The following HSPA4 variants were observed in gnomAD, a reference collection of about 807,000 sequenced individuals.
The protein encoded by HSPA4 is heat shock protein family A (Hsp70) member 4, also known as heat shock 70 kDa protein 4.
In HSPA4, 25 loss-of-function variants were observed where a neutral mutation model predicts 106.2. The observed-to-expected ratio is 0.24, with a 90% CI of 0.17 to 0.33. HSPA4 has a LOEUF of 0.33. HSPA4 is among the 10% of genes least tolerant of loss of function. HSPA4 has a pLI of 1.00. For synonymous variants in HSPA4, 332 were observed against 333.6 expected, an observed-to-expected ratio of 1.00 and a Z score of 0.05; for missense variants, 841 against 996.0, an observed-to-expected ratio of 0.84 and a Z score of 2.10.
intron 7 of HSPA4, among the ~76,000 whole-genome samples, chr5:133,079,508 A>G (rs567521184): frequency 1.3e-5 from 2 of 152,242 alleles, no homozygotes; most frequent in Middle Eastern, 3.4e-3. Context: ...TCTTGTATGG[A>G]TATACCATAT....
At chr5:133,053,438 C>T (rs931849867) in intron 1 of HSPA4, among the ~76,000 whole-genome samples, 1 of 149,002 alleles carries the variant, frequency 6.7e-6, no homozygotes. Flanking sequence ...ACCTCCCTGG[C>T]TCCTGGCTCA....
At position 133,086,837 on chromosome 5, in the gene HSPA4, C is replaced by G; in HGVS notation, c.964C>G (p.Arg322Gly). 6.2e-7 allele frequency: 1 copy of G among 1,612,926 alleles called. No homozygotes were observed. The highest frequency in any genetic ancestry group is 8.5e-7 in the Non-Finnish European group (1 of 1,179,044). The change falls in exon 8 of 19, where the codon CGT becomes GGT. Residue 322 changes from arginine (R) to glycine (G), a missense_variant. Physicochemically the swap from Arg to Gly is moderately radical, Grantham distance 125 (BLOSUM62 -2). Transcript: ENST00000304858. ...CTTAGCTAGAGTGGAGCCACCACTT[C>G]GTAGTGTTTTGGAACAAACCAGTAA... is the stretch of plus-strand genomic sequence containing the variant. ...DLLARVEPPL[R>G]SVLEQTKLKK...
At chr5:133,060,860 C>T (rs1411783675) in intron 1 of HSPA4, among the ~76,000 whole-genome samples, 1 of 141,180 alleles carries the variant, frequency 7.1e-6, no homozygotes, top group African/African-American at 2.7e-5. Flanking sequence ...CGCTCTGTCA[C>T]TCAGGGTGGA....
chr5:133,098,974 T>C (rs767266679), intron 15 of HSPA4, among the ~76,000 whole-genome samples: 3 of 151,784 alleles, frequency 2.0e-5, no homozygotes, highest in Non-Finnish European at 4.4e-5. Flanking sequence ...CAGATGCACT[T>C]GCTTTTACAT....
At chr5:133,066,206 AC>A (rs1383021189) in intron 2 of HSPA4, among the ~76,000 whole-genome samples, 1 of 152,178 alleles carries the variant, frequency 6.6e-6, no homozygotes, top group Non-Finnish European at 1.5e-5. Flanking sequence ...TTATTGTGTT[AC>A]AGAGTTTCTG....
intron 7 of HSPA4, among the ~76,000 whole-genome samples, chr5:133,083,863 C>CA (rs768035914): frequency 6.6e-6 from 1 of 152,260 alleles, no homozygotes; most frequent in East Asian, 1.9e-4. Flanking sequence ...TAGCATATCT[C>CA]AAAGTAAATT....
At chr5:133,065,113 A>T in intron 2 of HSPA4, 76 bp downstream of exon 2, 1 of 1,208,338 alleles carries the variant, frequency 8.3e-7, no homozygotes, top group Non-Finnish European at 1.2e-6. Context: ...TTGAATGCCC[A>T]TTATGTGCCT....
At chr5:133,061,681 G>A (rs754956535) in intron 1 of HSPA4, among the ~76,000 whole-genome samples, 1 of 152,024 alleles carries the variant, frequency 6.6e-6, no homozygotes, top group African/African-American at 2.4e-5. Context: ...GTGCAGTGGC[G>A]TGATCTTGGC....
intron 14 of HSPA4, among the ~76,000 whole-genome samples, chr5:133,096,847 A>G (rs536843179): frequency 6.6e-6 from 1 of 152,350 alleles, no homozygotes; most frequent in African/African-American, 2.4e-5. Flanking sequence ...TCTCATATTA[A>G]TACAGCAGAG....
In HSPA4 at chr5:133,097,911, G is replaced by GA. The variant is rs1335019090; in HGVS notation, c.1929+625_1929+626insA. Among the ~76,000 whole-genome samples the GA allele has an allele frequency of 2.8e-5, 4 of 141,526 alleles. No individual in the cohort carries two copies. In the East Asian group the frequency reaches 6.3e-4, roughly 22 times the overall value. 92.8% of individuals were successfully genotyped at this position (141,526 alleles called of 152,430 possible). On this transcript the variant is annotated intron_variant, in intron 15 of 18. Transcript: ENST00000304858. ...TGTTTATTGTAACTCAGAATTTTTA[G>GA]TTTTTTTTTTTTTTTAATTTGAATA...
intron 1 of HSPA4, among the ~76,000 whole-genome samples, chr5:133,063,060 G>T (rs1474521257): frequency 6.6e-6 from 1 of 152,078 alleles, no homozygotes; most frequent in Non-Finnish European, 1.5e-5. Context: ...TGACTTCATT[G>T]CTTTCAGGTT....
At position 133,074,030 on chromosome 5, in the gene HSPA4, T is replaced by C. The variant is rs1175483043; in HGVS notation, c.567T>C (p.Pro189=). 4 of 1,604,348 alleles carry C rather than the reference T, an allele frequency of 2.5e-6. No homozygotes were observed. In the East Asian group the frequency reaches 6.7e-5, roughly 27 times the overall value. The change falls in exon 6 of 19, where the codon CCT becomes CCC. Residue 189 remains proline (P), a synonymous_variant. Coordinates refer to ENST00000304858, the MANE Select transcript of HSPA4 (RefSeq NM_002154.4). The part of the protein sequence containing the change: ...LAYGIYKQDL[P]ALEEKPRNVV... Reference sequence around the variant, plus strand: ...ATGGAATCTATAAGCAGGATCTTCCTGCCTTAGAAGAGAAACCAAGAAATG... The same window carrying C: ...ATGGAATCTATAAGCAGGATCTTCCCGCCTTAGAAGAGAAACCAAGAAATG...
chr5:133,052,026 C>T lies in HSPA4; in HGVS notation c.-225C>T. The stretch of plus-strand genomic sequence containing the variant: ...ACGAGATCTTTCGAGATCTTCTCCG[C>T]CCCCGCTACCGGCGCCTCCTCTGCG... On this transcript the variant is annotated 5_prime_UTR_variant, in exon 1 of 19. Coordinates refer to ENST00000304858, the MANE Select transcript of HSPA4 (RefSeq NM_002154.4). 3.7e-6 allele frequency: 2 copies of T among 542,900 alleles called. No individual in the cohort carries two copies. The highest frequency in any genetic ancestry group is 6.5e-6 in the Non-Finnish European group (2 of 306,438). 33.6% of individuals were successfully genotyped at this position (542,900 alleles called of 1,614,324 possible).
chr5:133,088,345 G>A (rs1561583610), intron 8 of HSPA4, 59 bp from the exon 9 acceptor site: 2 of 1,232,158 alleles, frequency 1.6e-6, no homozygotes, highest in Non-Finnish European at 1.2e-6. Context: ...TTTCATCATG[G>A]TAAGATGTTA....
chr5:133,072,698 C>T (rs556717544), intron 4 of HSPA4, among the ~76,000 whole-genome samples: 5 of 152,018 alleles, frequency 3.3e-5, no homozygotes, highest in African/African-American at 9.6e-5. Context: ...TGAGCCACCA[C>T]GCCTGGCTAG....
At chr5:133,104,179 T>A in intron 18 of HSPA4, 54 bp from the exon 19 acceptor site, 1 of 1,569,588 alleles carries the variant, frequency 6.4e-7, no homozygotes. Flanking sequence ...TTAGCATGGC[T>A]TGTAAAATTT....
At position 133,097,263 on chromosome 5, in the gene HSPA4, T is replaced by A; in HGVS notation, c.1906T>A (p.Tyr636Asn). The change falls in exon 15 of 19, where the codon TAT (tyrosine) becomes AAT (asparagine). Residue 636 changes from tyrosine (Y) to asparagine (N), a missense_variant. Around this residue, in one of 5 missense-constraint regions of HSPA4, gnomAD observed 328 missense variants for 372.2 expected, o/e 0.88. Coordinates refer to ENST00000304858, the MANE Select transcript of HSPA4 (RefSeq NM_002154.4). ...AATGAGAGACAAGCTTAGTGGTGAA[T>A]ATGAGAAGTTTGTGAGTGAAGATGT... is the stretch of plus-strand genomic sequence containing the variant. ...YEMRDKLSGE[Y>N]EKFVSEDDRN... The A allele has an allele frequency of 1.2e-6, 2 of 1,612,870 alleles. No homozygotes were observed. The highest frequency in any genetic ancestry group is 1.7e-6 in the Non-Finnish European group (2 of 1,179,128).
chr5:133,080,959 A>C (rs1046385437), intron 7 of HSPA4, among the ~76,000 whole-genome samples: 1 of 152,182 alleles, frequency 6.6e-6, no homozygotes, highest in Non-Finnish European at 1.5e-5. Flanking sequence ...TATCACCCCA[A>C]AAAGAAAACT....
At chr5:133,088,966 T>G in intron 9 of HSPA4, 89 bp from the exon 10 acceptor site, 1 of 626,400 alleles carries the variant, frequency 1.6e-6, no homozygotes, top group Non-Finnish European at 2.7e-6. Context: ...GACCATTGAT[T>G]TTCTGAAGTA....
Sources: allele counts gnomAD v4.1 joint callset (sites outside exome capture counted in the v4.1 genomes callset), GRCh38; gene constraint gnomAD v4.1.1; regional missense constraint gnomAD v4.1.1; transcripts MANE v1.5; gene names NCBI Gene and HGNC (gene_info 2026-07-23, HGNC 2026-07-21).